BRIP1: variants seen among roughly 807,000 people sequenced by gnomAD.
The protein encoded by BRIP1 is BRCA1 interacting DNA helicase 1.
A neutral mutation model predicts 119.7 loss-of-function variants in BRIP1; 88 were observed. The ratio of observed to expected loss-of-function variants is 0.74; its 90% CI spans 0.62 to 0.88. The LOEUF is 0.88. Ranked by LOEUF, BRIP1 falls within the 40% of genes least tolerant of loss-of-function variation. The probability of loss-of-function intolerance (pLI) is 0.00; values close to 1 mark genes in which losing one functional copy is unlikely to be tolerated. For missense variants in BRIP1, 1,259 were observed against 1,455.4 expected, an observed-to-expected ratio of 0.87 and a Z score of 2.20; for synonymous variants, 443 against 496.5, an observed-to-expected ratio of 0.89 and a Z score of 1.43.
rs2061744441 is a variant in BRIP1, at chr17:61,709,769, T to A, written c.2492+6182A>T. Among the ~76,000 whole-genome samples the A allele has an allele frequency of 6.6e-6, 1 of 152,216 alleles. No homozygotes were observed. Among genetic ancestry groups the A allele is most frequent in the Non-Finnish European group, 1.5e-5 (1 of 68,024 alleles). On this transcript the variant is annotated intron_variant, in intron 17 of 19. Coordinates refer to ENST00000259008, the MANE Select transcript of BRIP1 (RefSeq NM_032043.3). The surrounding 1 kb of genome is among the most constrained non-coding windows in gnomAD (Gnocchi z 5.0). Reference sequence around the variant, plus strand: ...AAGCAACAAAGACTAGTTAGAAAACTCATAGTGCAGTTGTAACCTGGTTGC... The same window carrying A: ...AAGCAACAAAGACTAGTTAGAAAACACATAGTGCAGTTGTAACCTGGTTGC...
Position 61,696,802 on chromosome 17 carries a change from G to A in BRIP1, c.2493-3290C>T, listed in dbSNP as rs553433076. 1.1e-4 allele frequency among the ~76,000 whole-genome samples: 16 copies of A among 151,444 alleles called. No homozygotes were observed. In the East Asian group the frequency reaches 1.8e-3, roughly 17 times the overall value. ...AGATCGATACCATCCTGGCTAACAC[G>A]GTGAAACCCTGTCTCTACTAAATAT... On this transcript the variant is annotated intron_variant, in intron 17 of 19. Coordinates refer to ENST00000259008, the MANE Select transcript of BRIP1 (RefSeq NM_032043.3).
intron 16 of BRIP1, among the ~76,000 whole-genome samples, chr17:61,732,839 G>A (rs2076867772): frequency 6.6e-6 from 1 of 151,958 alleles, no homozygotes; most frequent in Non-Finnish European, 1.5e-5. Context: ...TTACAGACGT[G>A]TGCCACCACA....
rs781352585 is a variant in BRIP1, at chr17:61,720,508, C to T, written c.2380-4445G>A. 9.2e-5 allele frequency among the ~76,000 whole-genome samples: 14 copies of T among 152,268 alleles called. No homozygotes were observed. Among genetic ancestry groups the T allele is most frequent in the Middle Eastern group, 3.4e-3 (1 of 294 alleles). The stretch of plus-strand genomic sequence containing the variant: ...TATCTGCAGTGGTTTAAGTTAACTG[C>T]GGTCAACTGTGGTCCAAAAATATTA... On this transcript the variant is annotated intron_variant, in intron 16 of 19. Transcript: ENST00000259008. The surrounding 1 kb of genome is among the most constrained non-coding windows in gnomAD (Gnocchi z 4.3).
intron 16 of BRIP1, among the ~76,000 whole-genome samples, chr17:61,737,113 A>G (rs1219105853): frequency 6.6e-6 from 1 of 152,196 alleles, no homozygotes; most frequent in Non-Finnish European, 1.5e-5. Flanking sequence ...TCAAAATAGT[A>G]TACTACAAAT....
Position 61,719,332 on chromosome 17 carries a change from C to T in BRIP1, c.2380-3269G>A, listed in dbSNP as rs114331610. Among the ~76,000 whole-genome samples, 239 of 151,648 alleles carry T rather than the reference C, an allele frequency of 1.6e-3. 1 individual carries two copies. In the Middle Eastern group the frequency reaches 0.02, roughly 13 times the overall value. The stretch of plus-strand genomic sequence containing the variant: ...AAAATGAATGAAATCCTGTTATTCA[C>T]GGCAACATGGATGGAACTGAGGACA... On this transcript the variant is annotated intron_variant, in intron 16 of 19. Transcript: ENST00000259008.
intron 10 of BRIP1, among the ~76,000 whole-genome samples, chr17:61,788,411 TATAA>T (rs756113465): frequency 1.6e-4 from 25 of 152,302 alleles, no homozygotes; most frequent in Non-Finnish European, 2.5e-4. Flanking sequence ...CAAATTAATC[TATAA>T]ATACAGTGCA....
At position 61,848,600 on chromosome 17, in the gene BRIP1, T is replaced by C. The variant is rs2078768853; in HGVS notation, c.507+529A>G. Reference sequence around the variant, plus strand: ...CATGAATTCTGAGAAAATATTGTGTTCATCTGCATCCAAATTTCATTTAAA... The same window carrying C: ...CATGAATTCTGAGAAAATATTGTGTCCATCTGCATCCAAATTTCATTTAAA... On this transcript the variant is annotated intron_variant, in intron 5 of 19. Transcript: ENST00000259008. This position sits in a 1 kb window ranked among gnomAD's most constrained non-coding sequence, Gnocchi z 4.3. 6.6e-6 allele frequency among the ~76,000 whole-genome samples: 1 copy of C among 152,202 alleles called. No homozygotes were observed. Among genetic ancestry groups the C allele is most frequent in the Non-Finnish European group, 1.5e-5 (1 of 68,040 alleles).
chr17:61,785,193 C>T (rs940398823), intron 10 of BRIP1, among the ~76,000 whole-genome samples: 10 of 152,126 alleles, frequency 6.6e-5, no homozygotes, highest in African/African-American at 2.4e-4. Context: ...GAAAGTAATT[C>T]TGATGCTGAG....
At chr17:61,733,191 A>G (rs927688467) in intron 16 of BRIP1, among the ~76,000 whole-genome samples, 1 of 152,212 alleles carries the variant, frequency 6.6e-6, no homozygotes, top group Non-Finnish European at 1.5e-5. Flanking sequence ...ACAATGGAAC[A>G]ATATCATTCT....
rs1603344390 is a variant in BRIP1, at chr17:61,803,776, A to G, written c.919-2302T>C. Among the ~76,000 whole-genome samples, 1 of 152,334 alleles carries G rather than the reference A, an allele frequency of 6.6e-6. No individual in the cohort carries two copies. Among genetic ancestry groups the G allele is most frequent in the African/African-American group, 2.4e-5 (1 of 41,594 alleles). Reference sequence around the variant, plus strand: ...TATAAAATTCTAGTAGTAGAAGTACATAGGCAATTTGTCAAAAAACTACCA... The same window carrying G: ...TATAAAATTCTAGTAGTAGAAGTACGTAGGCAATTTGTCAAAAAACTACCA... On this transcript the variant is annotated intron_variant, in intron 7 of 19. Coordinates refer to ENST00000259008, the MANE Select transcript of BRIP1 (RefSeq NM_032043.3). The surrounding 1 kb of genome is among the most constrained non-coding windows in gnomAD (Gnocchi z 4.3).
Position 61,720,043 on chromosome 17 carries a change from C to T in BRIP1, c.2380-3980G>A, listed in dbSNP as rs151059054. 4.6e-5 allele frequency among the ~76,000 whole-genome samples: 7 copies of T among 152,078 alleles called. No homozygotes were observed. The highest frequency in any genetic ancestry group is 1.3e-4 in the Admixed American group (2 of 15,272). On this transcript the variant is annotated intron_variant, in intron 16 of 19. Coordinates refer to ENST00000259008, the MANE Select transcript of BRIP1 (RefSeq NM_032043.3). The surrounding 1 kb of genome is among the most constrained non-coding windows in gnomAD (Gnocchi z 4.3). The stretch of plus-strand genomic sequence containing the variant: ...TAGAGATGGATTCTTGCTATGTTGC[C>T]TATGATGGTCTCCAACTCATAAGCT...
Position 61,759,888 on chromosome 17 carries a change from G to GAA in BRIP1, c.2098-15299_2098-15298dup, listed in dbSNP as rs34241703. ...GGGTTGCCACAAACCTTTAATTTAT[G>GAA]AAAAAAAAAAAACCCAGAATATTTG... On this transcript the variant is annotated intron_variant, in intron 14 of 19. Transcript: ENST00000259008. This position sits in a 1 kb window ranked among gnomAD's most constrained non-coding sequence, Gnocchi z 4.9. Among the ~76,000 whole-genome samples, 11 of 139,404 alleles carry GAA rather than the reference G, an allele frequency of 7.9e-5. No homozygotes were observed. Among genetic ancestry groups the GAA allele is most frequent in the African/African-American group, 3.0e-4 (11 of 37,232 alleles). The allele number at this position is 139,404 out of a possible 152,430, so 91.5% of individuals were successfully genotyped here.
At chr17:61,777,721 C>G (rs552850381) in intron 13 of BRIP1, among the ~76,000 whole-genome samples, 1 of 152,310 alleles carries the variant, frequency 6.6e-6, no homozygotes. Flanking sequence ...CATCACCCTC[C>G]AAGTGTTCAG....
intron 6 of BRIP1, among the ~76,000 whole-genome samples, chr17:61,840,690 C>T (rs1377562266): frequency 1.3e-5 from 2 of 152,082 alleles, no homozygotes; most frequent in Non-Finnish European, 2.9e-5. Flanking sequence ...AATGTAATCC[C>T]TATCAAAATA....
In BRIP1 at chr17:61,805,465, A is replaced by G. The variant is rs557044069; in HGVS notation, c.918+3002T>C. Among the ~76,000 whole-genome samples the G allele has an allele frequency of 1.7e-4, 26 of 152,138 alleles. No homozygotes were observed. The highest frequency in any genetic ancestry group is 3.2e-4 in the Non-Finnish European group (22 of 68,028). On this transcript the variant is annotated intron_variant, in intron 7 of 19. Transcript: ENST00000259008. This position sits in a 1 kb window ranked among gnomAD's most constrained non-coding sequence, Gnocchi z 5.6. ...ACTGTGTCAACTTCTCCCTACCTCA[A>G]TGCCATCTTTGGATTTTGTTTCTAG...
chr17:61,790,982 T>C (rs1464449338), intron 10 of BRIP1, among the ~76,000 whole-genome samples: 2 of 152,148 alleles, frequency 1.3e-5, no homozygotes, highest in Non-Finnish European at 2.9e-5. Context: ...GCAAAAAATA[T>C]TATGAAAGAT....
intron 10 of BRIP1, among the ~76,000 whole-genome samples, chr17:61,791,487 T>TAAAAAAA (rs2077815804): frequency 1.2e-3 from 6 of 4,976 alleles, no homozygotes; most frequent in South Asian, 6.8e-3. Context: ...AGACTTCATC[T>TAAAAAAA]CAAAAAAAAA....
At position 61,746,430 on chromosome 17, in the gene BRIP1, G is replaced by A. The variant is rs572260370; in HGVS notation, c.2098-1839C>T. On this transcript the variant is annotated intron_variant, in intron 14 of 19. Transcript: ENST00000259008. This position sits in a 1 kb window ranked among gnomAD's most constrained non-coding sequence, Gnocchi z 4.9. ...ATAAAGTAGCTGGATAGATAAAAAC[G>A]CTGTCTGCAAGTGACTCACTTTAAA... Among the ~76,000 whole-genome samples, 29 of 152,122 alleles carry A rather than the reference G, an allele frequency of 1.9e-4. No individual in the cohort carries two copies. The highest frequency in any genetic ancestry group is 5.8e-4 in the East Asian group (3 of 5,180).
chr17:61,720,113 G>A lies in BRIP1; in HGVS notation c.2380-4050C>T, dbSNP rs550290147. On this transcript the variant is annotated intron_variant, in intron 16 of 19. Transcript: ENST00000259008. This position sits in a 1 kb window ranked among gnomAD's most constrained non-coding sequence, Gnocchi z 4.3. ...GACCTCCCAAAGTGCTAGGAATACA[G>A]GCATGAGCCACTGCGTCTGGCTGAG... is the stretch of plus-strand genomic sequence containing the variant. 3.9e-5 allele frequency among the ~76,000 whole-genome samples: 6 copies of A among 152,238 alleles called. No individual in the cohort carries two copies. The highest frequency in any genetic ancestry group is 2.1e-4 in the South Asian group (1 of 4,822).
Sources: gnomAD v4.1 joint callset for allele counts (sites outside exome capture counted in the v4.1 genomes callset) on GRCh38, gnomAD v4.1.1 for gene constraint, Gnocchi (gnomAD v3.1) non-coding constraint, MANE v1.5 for transcripts, NCBI Gene and HGNC (gene_info 2026-07-23, HGNC 2026-07-21) for gene names.